The following TRIM5 variants were observed in gnomAD, a reference collection of about 807,000 sequenced individuals.
The protein encoded by TRIM5 is tripartite motif-containing protein 5.
In TRIM5, 31 loss-of-function variants were observed where a neutral mutation model predicts 35.6. The ratio of observed to expected loss-of-function variants is 0.87; its 90% CI spans 0.65 to 1.18. The LOEUF is 1.18. Ranked by LOEUF, TRIM5 falls within the 50% of genes most tolerant of loss-of-function variation. TRIM5 has a pLI of 0.00. For synonymous variants in TRIM5, 243 were observed against 215.6 expected (o/e 1.13, Z -1.11); for missense variants, 609 against 591.6 (o/e 1.03, Z -0.31).
At chr11:5,591,895 C>T in the TRIM5 span, among the ~76,000 whole-genome samples, 6 of 145,352 alleles carry the variant, frequency 4.1e-5, no homozygotes, top group East Asian at 2.0e-4. Flanking sequence ...CCTTTAGCCC[C>T]GGGGGGCTGT....
chr11:5,659,085 G>A (rs188375890), downstream of TRIM5, among the ~76,000 whole-genome samples: 13 of 151,914 alleles, frequency 8.6e-5, no homozygotes, highest in Admixed American at 2.6e-4. Flanking sequence ...AAACCAACAC[G>A]GCACATGTAT....
the TRIM5 span, among the ~76,000 whole-genome samples, chr11:5,625,763 A>G: frequency 6.6e-6 from 1 of 152,106 alleles, no homozygotes; most frequent in Non-Finnish European, 1.5e-5. Flanking sequence ...GTTTACTTTT[A>G]CTTCAGTAAC....
the TRIM5 span, among the ~76,000 whole-genome samples, chr11:5,656,348 A>C: frequency 7.4e-6 from 1 of 135,336 alleles, no homozygotes; most frequent in Non-Finnish European, 1.6e-5. Context: ...AAGGATATGA[A>C]CAGACACTTT....
chr11:5,655,659 T>C, the TRIM5 span: 1 of 985,428 alleles, frequency 1.0e-6, no homozygotes, highest in Non-Finnish European at 1.2e-6. Context: ...ACCAATGTTA[T>C]GGAGGCTTCA....
the TRIM5 span, among the ~76,000 whole-genome samples, chr11:5,597,926 T>TATTG: frequency 2.6e-5 from 4 of 151,564 alleles, no homozygotes; most frequent in Non-Finnish European, 4.4e-5. Flanking sequence ...AGAACTTTAA[T>TATTG]ATTAAAGTGC....
chr11:5,623,543 T>TTG, the TRIM5 span, among the ~76,000 whole-genome samples: 1,495 of 149,572 alleles, frequency 1.0e-2, 16 homozygotes, highest in Non-Finnish European at 0.017. Context: ...AATTTTTTTT[T>TTG]TTTTTTTTTG....
chr11:5,595,384 T>G, the TRIM5 span: 1 of 152,250 alleles, frequency 6.6e-6, no homozygotes, highest in Non-Finnish European at 1.5e-5. Flanking sequence ...TCTAGTTATA[T>G]AGGTCAAAAT....
chr11:5,604,836 A>ATGGT, the TRIM5 span: 2 of 524,982 alleles, frequency 3.8e-6, no homozygotes, highest in Non-Finnish European at 6.5e-6. Flanking sequence ...CTAGGAGACA[A>ATGGT]TCACATAGCA....
At chr11:5,611,393 C>T in the TRIM5 span, 1 of 1,334,264 alleles carries the variant, frequency 7.5e-7, no homozygotes. Context: ...GGCTTATCAG[C>T]ATGTGATTCT....
At chr11:5,644,123 C>T in the TRIM5 span, 4 of 401,420 alleles carry the variant, frequency 1.0e-5, no homozygotes, top group Admixed American at 4.3e-5. Context: ...GCTCAGGATA[C>T]CCCAGGTACA....
downstream of TRIM5, among the ~76,000 whole-genome samples, chr11:5,660,818 G>T (rs1168642387): frequency 6.6e-6 from 1 of 151,602 alleles, no homozygotes; most frequent in Non-Finnish European, 1.5e-5. Flanking sequence ...CGAGGCGGGC[G>T]GATCTTGAGG....
chr11:5,589,156 T>C, the TRIM5 span: 1 of 152,176 alleles, frequency 6.6e-6, no homozygotes, highest in Non-Finnish European at 1.5e-5. Flanking sequence ...GCTGAGAGGT[T>C]ATAATAAATA....
the TRIM5 span, among the ~76,000 whole-genome samples, chr11:5,653,727 G>A: frequency 3.3e-5 from 5 of 151,940 alleles, no homozygotes; most frequent in African/African-American, 4.8e-5. Flanking sequence ...TCCTGACATC[G>A]TGATCCACCT....
chr11:5,615,630 G>A, the TRIM5 span, among the ~76,000 whole-genome samples: 1 of 149,424 alleles, frequency 6.7e-6, no homozygotes, highest in Non-Finnish European at 1.5e-5. Context: ...GTCTCGTTCT[G>A]TCATCCAGGC....
chr11:5,623,847 T>C, the TRIM5 span, among the ~76,000 whole-genome samples: 2 of 152,200 alleles, frequency 1.3e-5, no homozygotes, highest in Admixed American at 1.3e-4. Flanking sequence ...TTGATCACCA[T>C]GCATGAGTCA....
chr11:5,614,933 C>G, the TRIM5 span, among the ~76,000 whole-genome samples: 1 of 152,126 alleles, frequency 6.6e-6, no homozygotes, highest in Non-Finnish European at 1.5e-5. Flanking sequence ...GCACTTAGAG[C>G]TATACATTTC....
At chr11:5,632,187 A>G in the TRIM5 span, 1,514,861 of 1,514,930 alleles carry the variant, frequency 1, 757,397 homozygotes, top group Middle Eastern at 1. Flanking sequence ...GCCAGTCTTT[A>G]TTGTCTGTGC....
chr11:5,624,018 C>T, the TRIM5 span, among the ~76,000 whole-genome samples: 3 of 152,130 alleles, frequency 2.0e-5, no homozygotes, highest in South Asian at 2.1e-4. Flanking sequence ...GAAAATGGAG[C>T]ATGCTGTTTG....
intron 4 of TRIM5, among the ~76,000 whole-genome samples, chr11:5,675,834 A>T (rs1851928972): frequency 1.1e-5 from 1 of 92,188 alleles, no homozygotes; most frequent in African/African-American, 4.1e-5. Flanking sequence ...TATATCTCCC[A>T]GTGCTATCCC....
Sources: allele counts gnomAD v4.1 joint callset (sites outside exome capture counted in the v4.1 genomes callset), GRCh38; gene constraint gnomAD v4.1.1; transcripts MANE v1.5; gene names NCBI Gene and HGNC (gene_info 2026-07-23, HGNC 2026-07-21).